The following ARID1A variants were observed in gnomAD, a reference collection of about 807,000 sequenced individuals.
ARID1A encodes AT-rich interactive domain-containing protein 1A.
A neutral mutation model predicts 212.6 loss-of-function variants in ARID1A; 20 were observed. The ratio of observed to expected loss-of-function variants is 0.09; its 90% CI spans 0.07 to 0.14. The LOEUF (loss-of-function observed/expected upper bound fraction) is 0.14. ARID1A is among the 10% of genes least tolerant of loss of function. ARID1A has a pLI of 1.00. For synonymous variants in ARID1A, 1,376 were observed against 1,222.1 expected (o/e 1.13, Z -2.63); for missense variants, 2,587 against 3,059.0 (o/e 0.85, Z 3.64).
chr1:26,714,452 T>G (rs2080482808), intron 1 of ARID1A, among the ~76,000 whole-genome samples: 1 of 152,078 alleles, frequency 6.6e-6, no homozygotes, highest in Non-Finnish European at 1.5e-5. Flanking sequence ...CTCGTTCGGT[T>G]GCCCAGGCTG....
chr1:26,766,619 G>A (rs2124082713), intron 10 of ARID1A, 53 bp downstream of exon 10: 3 of 1,488,682 alleles, frequency 2.0e-6, no homozygotes, highest in Admixed American at 2.2e-5. Context: ...CTTTTTCAGT[G>A]ATAGGAAGGA....
intron 1 of ARID1A, among the ~76,000 whole-genome samples, chr1:26,723,730 T>C (rs2080588352): frequency 1.3e-5 from 2 of 152,086 alleles, no homozygotes; most frequent in Admixed American, 6.5e-5. Context: ...CCCAGCTTAC[T>C]GTACTGGGAC....
intron 4 of ARID1A, among the ~76,000 whole-genome samples, chr1:26,737,047 C>T (rs972932265): frequency 6.6e-6 from 1 of 152,142 alleles, no homozygotes; most frequent in South Asian, 2.1e-4. Context: ...GATCACTTAT[C>T]CCTCTTGGTA....
chr1:26,759,252 G>T (rs1289760056), intron 4 of ARID1A, among the ~76,000 whole-genome samples: 2 of 152,112 alleles, frequency 1.3e-5, no homozygotes, highest in Non-Finnish European at 2.9e-5. Flanking sequence ...ACCTATGCTG[G>T]AGTGCAGTGG....
rs1202121798 is a variant in ARID1A, at chr1:26,775,008, C to T, written c.4781C>T (p.Pro1594Leu). Residue 1594 changes from proline (P) to leucine (L), a missense_variant, in exon 18 of 20, where the codon CCA becomes CTA. Pro to Leu is a moderately conservative substitution (Grantham distance 98). Coordinates refer to ENST00000324856, the MANE Select transcript of ARID1A (RefSeq NM_006015.6). ...TCCAGCCCTGCTCCCCTGCCCCGGC[C>T]AATGGAGAACCGCACCTCTCCTAGC... is the stretch of plus-strand genomic sequence containing the variant. ...QVSSPAPLPR[P>L]MENRTSPSKS... is the part of the protein sequence containing the mutation. 11 of 1,581,520 alleles carry T rather than the reference C, an allele frequency of 7.0e-6. No homozygotes were observed. Among genetic ancestry groups the T allele is most frequent in the Non-Finnish European group, 9.5e-6 (11 of 1,163,598 alleles).
At chr1:26,761,128 G>A (rs1270590445) in intron 5 of ARID1A, 32 bp downstream of exon 5, 2 of 1,607,784 alleles carry the variant, frequency 1.2e-6, no homozygotes, top group Non-Finnish European at 1.7e-6. Context: ...TAGGGAGAGG[G>A]AAAGGTGACT....
At chr1:26,697,785 C>T (rs1469279989) in intron 1 of ARID1A, among the ~76,000 whole-genome samples, 7 of 144,248 alleles carry the variant, frequency 4.9e-5, no homozygotes, top group Non-Finnish European at 7.5e-5. Context: ...CCCCTGGTCC[C>T]TTCGAACTCC....
Position 26,775,176 on chromosome 1 carries a change from A to G in ARID1A, c.4949A>G (p.Gln1650Arg). 1 of 1,607,420 alleles carries G rather than the reference A, an allele frequency of 6.2e-7. No homozygotes were observed. Among genetic ancestry groups the G allele is most frequent in the Non-Finnish European group, 8.5e-7 (1 of 1,177,738 alleles). Reference protein sequence around the residue: ...TFPPGSVEATQPVLKQRRRLT... With the variant: ...TFPPGSVEATRPVLKQRRRLT... ...CCACCTGGCTCTGTTGAAGCCACAC[A>G]GCCTGTGTTGAAGCAGAGGAGGCGG... Residue 1650 changes from glutamine to arginine, a missense_variant, in exon 18 of 20, where the codon CAG becomes CGG. Gln to Arg is a conservative substitution (Grantham distance 43). Coordinates refer to ENST00000324856, the MANE Select transcript of ARID1A (RefSeq NM_006015.6).
At chr1:26,732,587 G>GA in intron 3 of ARID1A, 89 bp from the exon 4 acceptor site, 1 of 1,055,200 alleles carries the variant, frequency 9.5e-7, no homozygotes, top group South Asian at 1.3e-5. Flanking sequence ...ACACTCATGA[G>GA]AGACAGTCCC....
Position 26,771,963 on chromosome 1 carries a change from A to C in ARID1A, c.3407-537A>C, listed in dbSNP as rs529197197. On this transcript the variant is annotated intron_variant, in intron 12 of 19. Coordinates refer to ENST00000324856, the MANE Select transcript of ARID1A (RefSeq NM_006015.6). This position sits in a 1 kb window ranked among gnomAD's most constrained non-coding sequence, Gnocchi z 5.4. ...GGGAGGCCTCAGCAGTGGGATATCT[A>C]CTGCTGGGAATGGTAACTATTGGAA... The C allele has an allele frequency of 2.0e-4, 33 of 162,668 alleles. No homozygotes were observed. The South Asian group carries it at 5.3e-3, about 26-fold the overall frequency. The allele number at this position is 162,668 out of a possible 1,614,324, so 10.1% of individuals were successfully genotyped here.
intron 10 of ARID1A, 104 bp from the exon 11 acceptor site, chr1:26,767,686 A>AG: frequency 8.5e-7 from 1 of 1,180,448 alleles, no homozygotes; most frequent in Non-Finnish European, 1.2e-6. Context: ...TAACCACCCC[A>AG]GAGTAAGAAG....
chr1:26,698,693 G>T (rs2080303226), intron 1 of ARID1A, among the ~76,000 whole-genome samples: 9 of 152,158 alleles, frequency 5.9e-5, no homozygotes, highest in Admixed American at 5.9e-4. Flanking sequence ...TTTCCTGATG[G>T]TATAAATGAC....
chr1:26,754,100 C>T (rs2080907867), intron 4 of ARID1A, among the ~76,000 whole-genome samples: 1 of 152,202 alleles, frequency 6.6e-6, no homozygotes, highest in African/African-American at 2.4e-5. Context: ...AGCCACCACA[C>T]CTGGCCCGAC....
At chr1:26,777,684 G>C (rs1299071911) in intron 19 of ARID1A, among the ~76,000 whole-genome samples, 1 of 152,178 alleles carries the variant, frequency 6.6e-6, no homozygotes, top group African/African-American at 2.4e-5. Context: ...TGTAATCCCA[G>C]CACTTCAGGA....
intron 1 of ARID1A, among the ~76,000 whole-genome samples, chr1:26,698,005 C>T (rs2080294820): frequency 6.6e-6 from 1 of 152,072 alleles, no homozygotes; most frequent in African/African-American, 2.4e-5. Context: ...CAAAGAGGGC[C>T]CCTAGAGCTC....
chr1:26,701,298 C>T lies in ARID1A; in HGVS notation c.1137+3758C>T, dbSNP rs192677172. Among the ~76,000 whole-genome samples, 5 of 152,228 alleles carry T rather than the reference C, an allele frequency of 3.3e-5. No individual in the cohort carries two copies. The South Asian group carries it at 6.2e-4, about 19-fold the overall frequency. ...ATGTGGTATTCAAATATATTGGCAC[C>T]GAGTAGTTCTTTTCTGCCAGTGAGC... On this transcript the variant is annotated intron_variant, in intron 1 of 19. Coordinates refer to ENST00000324856, the MANE Select transcript of ARID1A (RefSeq NM_006015.6).
In ARID1A at chr1:26,780,703, T is replaced by C; in HGVS notation, c.6805T>C (p.Ser2269Pro). The change falls in exon 20 of 20, where the codon TCA becomes CCA. Residue 2269 changes from serine to proline, a missense_variant. By Grantham distance (74) the Ser-to-Pro change is moderately conservative (BLOSUM62 -1). Around this residue, in one of 11 missense-constraint regions of ARID1A, gnomAD observed 27 missense variants for 28.4 expected, o/e 0.95. Transcript: ENST00000324856. This position sits in a 1 kb window ranked among gnomAD's most constrained non-coding sequence, Gnocchi z 7.2. ...LDISVSPLMN[S>P]LVSQVICDVL... The stretch of plus-strand genomic sequence containing the variant: ...CATCTCGGTATCACCGTTGATGAAC[T>C]CATTGGTTTCACAAGTCATTTGTGA... 1 of 1,593,236 alleles carries C rather than the reference T, an allele frequency of 6.3e-7. No individual in the cohort carries two copies. Among genetic ancestry groups the C allele is most frequent in the Non-Finnish European group, 8.5e-7 (1 of 1,172,842 alleles).
intron 1 of ARID1A, among the ~76,000 whole-genome samples, chr1:26,718,631 C>T (rs558940986): frequency 6.6e-6 from 1 of 152,268 alleles, no homozygotes; most frequent in African/African-American, 2.4e-5. Context: ...TAAATCATCT[C>T]TAGATTACTT....
At chr1:26,764,075 T>C (rs1479967846) in intron 8 of ARID1A, among the ~76,000 whole-genome samples, 1 of 152,146 alleles carries the variant, frequency 6.6e-6, no homozygotes, top group Non-Finnish European at 1.5e-5. Flanking sequence ...GTTCAACCAA[T>C]TGTCCTGCCT....
Sources: gnomAD v4.1 joint callset for allele counts (sites outside exome capture counted in the v4.1 genomes callset) on GRCh38, gnomAD v4.1.1 for gene constraint, gnomAD v4.1.1 regional missense constraint, Gnocchi (gnomAD v3.1) non-coding constraint, MANE v1.5 for transcripts, NCBI Gene and HGNC (gene_info 2026-07-23, HGNC 2026-07-21) for gene names.